The following C21orf58 variants were observed in gnomAD, a reference collection of about 807,000 sequenced individuals.
C21orf58 encodes the protein uncharacterized protein C21orf58.
Under a neutral mutation model 35.8 loss-of-function variants are expected in C21orf58, and 34 were observed. The observed-to-expected ratio is 0.95, with a 90% confidence interval of 0.72 to 1.26. The LOEUF is 1.26. Ranked by LOEUF, C21orf58 falls within the 50% of genes most tolerant of loss-of-function variation. The probability of loss-of-function intolerance (pLI) is 0.00; values close to 1 mark genes in which losing one functional copy is unlikely to be tolerated. For synonymous variants in C21orf58, 191 were observed against 175.8 expected (o/e 1.09, Z -0.68); for missense variants, 440 against 414.3 (o/e 1.06, Z -0.54).
rs2083011470 is a variant in C21orf58 at position 46,317,350 on chromosome 21, T to C, written c.310-82A>G. On this transcript the variant is annotated intron_variant, in intron 2 of 7. Coordinates refer to ENST00000291691, the MANE Select transcript of C21orf58 (RefSeq NM_058180.5). Reference sequence around the variant, plus strand: ...CTCCAGGAATGACTAAGAGGCTTTCTGAGTGAAAAGAATGGTACGTCAGGA... The same window carrying C: ...CTCCAGGAATGACTAAGAGGCTTTCCGAGTGAAAAGAATGGTACGTCAGGA... The C allele has an allele frequency of 3.9e-6, 6 of 1,556,550 alleles. No homozygotes were observed. The Admixed American group carries it at 7.6e-5, about 20-fold the overall frequency.
rs1014905941 is a variant in C21orf58, at chr21:46,323,185, C to G, written c.-447G>C. On this transcript the variant is annotated 5_prime_UTR_variant, in exon 1 of 8. Transcript: ENST00000291691. Reference sequence around the variant, plus strand: ...CCACCCCGGCGGTCCCGCCACAGGTCACAGGCGGTGCGGACCCCGGGACTG... The same window carrying G: ...CCACCCCGGCGGTCCCGCCACAGGTGACAGGCGGTGCGGACCCCGGGACTG... 6.5e-6 allele frequency: 1 copy of G among 152,872 alleles called. No individual in the cohort carries two copies. 9.5% of individuals were successfully genotyped at this position (152,872 alleles called of 1,614,324 possible).
chr21:46,315,110 T>A, intron 4 of C21orf58: 1 of 1,253,746 alleles, frequency 8.0e-7, no homozygotes, highest in Non-Finnish European at 1.1e-6. Context: ...AGCCCCAGGG[T>A]CTGTTCTCTC....
intron 6 of C21orf58, among the ~76,000 whole-genome samples, chr21:46,309,789 G>A (rs2082590269): frequency 6.6e-6 from 1 of 151,984 alleles, no homozygotes; most frequent in Non-Finnish European, 1.5e-5. Flanking sequence ...GAGGTCAGGA[G>A]TTCAAGACCA....
At chr21:46,300,643 C>T (rs889042408), downstream of C21orf58, 5 of 1,242,294 alleles carry the variant, frequency 4.0e-6, no homozygotes, top group Admixed American at 1.4e-4. Context: ...ACCTGCCCGT[C>T]CATGTCAGCA....
chr21:46,302,722 T>G (rs895693338), intron 6 of C21orf58, 146 bp from the exon 7 acceptor site: 1 of 654,862 alleles, frequency 1.5e-6, no homozygotes, highest in East Asian at 2.8e-5. Flanking sequence ...CTGCACACGG[T>G]GCGGGTCCCC....
At position 46,303,735 on chromosome 21, in the gene C21orf58, ATATATATATAT is replaced by A. The variant is rs1389144423; in HGVS notation, c.722-1170_722-1160del. Among the ~76,000 whole-genome samples the A allele has an allele frequency of 9.1e-3, 256 of 28,120 alleles. 7 individuals are homozygous for A. Among genetic ancestry groups the A allele is most frequent in the Non-Finnish European group, 0.013 (175 of 13,802 alleles). The allele number at this position is 28,120 out of a possible 152,430, so 18.4% of individuals were successfully genotyped here. Reference sequence around the variant, plus strand: ...TATATATATATATATATATATATATATATATATATATTTTTTTTTTTTTTTTTTTTTTTGGA... The same window carrying A: ...TATATATATATATATATATATATATATTTTTTTTTTTTTTTTTTTTTTGGA... On this transcript the variant is annotated intron_variant, in intron 6 of 7. Transcript: ENST00000291691.
intron 2 of C21orf58, 129 bp downstream of exon 2, chr21:46,317,883 T>C: frequency 9.9e-7 from 1 of 1,013,120 alleles, no homozygotes; most frequent in South Asian, 1.6e-5. Context: ...ATGGGTCCGC[T>C]GGGCTGCCAG....
rs912269877 is a variant in C21orf58, at chr21:46,322,770, G to C, written c.-32C>G. The C allele has an allele frequency of 7.2e-7, 1 of 1,395,660 alleles. No individual in the cohort carries two copies. Among genetic ancestry groups the C allele is most frequent in the Non-Finnish European group, 9.5e-7 (1 of 1,054,120 alleles). The allele number at this position is 1,395,660 out of a possible 1,614,324, so 86.5% of individuals were successfully genotyped here. A position where few individuals can be genotyped will look rare whatever the true frequency, so the allele number is the denominator to read the frequency against. The stretch of plus-strand genomic sequence containing the variant: ...ATAGCCTGGGCGTCGCAGCGAGACT[G>C]TCTCAAAAAAAGAAAAAAAATTCTG... On this transcript the variant is annotated 5_prime_UTR_variant, in exon 1 of 8. Transcript: ENST00000291691.
At chr21:46,306,856 G>A (rs910376099) in intron 6 of C21orf58, among the ~76,000 whole-genome samples, 3 of 152,024 alleles carry the variant, frequency 2.0e-5, no homozygotes, top group Non-Finnish European at 4.4e-5. Flanking sequence ...CCAAAATGCT[G>A]GGATTACAGG....
chr21:46,302,613 T>A (rs372601332), intron 6 of C21orf58, 37 bp from the exon 7 acceptor site: 30 of 1,520,924 alleles, frequency 2.0e-5, no homozygotes, highest in Non-Finnish European at 2.4e-5. Flanking sequence ...GAATAAAGTT[T>A]CCGTTTTTCC....
chr21:46,313,083 T>C, intron 5 of C21orf58: 1 of 985,010 alleles, frequency 1.0e-6, no homozygotes, highest in South Asian at 4.7e-5. Flanking sequence ...GGCAAACTTT[T>C]GCCAAGAGCT....
At position 46,317,177 on chromosome 21, in the gene C21orf58, T is replaced by C. The variant is rs760774323; in HGVS notation, c.370+31A>G. The C allele has an allele frequency of 1.9e-6, 3 of 1,601,118 alleles. No homozygotes were observed. In the South Asian group the frequency reaches 3.3e-5, roughly 18 times the overall value. On this transcript the variant is annotated intron_variant, in intron 3 of 7. Coordinates refer to ENST00000291691, the MANE Select transcript of C21orf58 (RefSeq NM_058180.5). ...GAGTGGCTACACTTGCGTCTGTCTG[T>C]GCTGGTTCCAAGCAGCCCAGGGGCT...
Position 46,319,442 on chromosome 21 carries a change from G to C in C21orf58, c.101-1222C>G, listed in dbSNP as rs150475638. Among the ~76,000 whole-genome samples, 111 of 152,330 alleles carry C rather than the reference G, an allele frequency of 7.3e-4. 2 individuals are homozygous for C. The highest frequency in any genetic ancestry group is 2.5e-3 in the African/African-American group (103 of 41,572). On this transcript the variant is annotated intron_variant, in intron 1 of 7. Transcript: ENST00000291691. ...TCAGGGGTCCTCGCTGGTGCTGCTG[G>C]ACATGAGCAGACTCTGGCCCCATGT...
chr21:46,315,532 G>C lies in C21orf58; in HGVS notation c.386C>G (p.Pro129Arg), dbSNP rs377051341. The C allele has an allele frequency of 1.9e-6, 3 of 1,610,704 alleles. No individual in the cohort carries two copies. The African/African-American group carries it at 4.0e-5, about 22-fold the overall frequency. The change falls in exon 4 of 8, where the codon CCG becomes CGG. Residue 129 changes from proline to arginine, a missense_variant. By Grantham distance (103) the Pro-to-Arg change is moderately radical. Coordinates refer to ENST00000291691, the MANE Select transcript of C21orf58 (RefSeq NM_058180.5). ...CAGAGCAGTCTGCAGGGCATCGTCC[G>C]GCCGGTCCTCATTTCCTGGAGGGAA... ...LHLEPGNEDR[P>R]DDALQTALKR...
chr21:46,318,972 G>C, intron 1 of C21orf58: 1 of 475,120 alleles, frequency 2.1e-6, no homozygotes, highest in Non-Finnish European at 2.8e-6. Flanking sequence ...CTGTGGACCC[G>C]AGGGGCAGAG....
At chr21:46,309,021 T>C (rs1338059263) in intron 6 of C21orf58, among the ~76,000 whole-genome samples, 1 of 152,218 alleles carries the variant, frequency 6.6e-6, no homozygotes, top group Non-Finnish European at 1.5e-5. Context: ...CTTTTCTCTA[T>C]AAATTACCCA....
At chr21:46,306,941 G>A (rs1290505070) in intron 6 of C21orf58, among the ~76,000 whole-genome samples, 1 of 148,848 alleles carries the variant, frequency 6.7e-6, no homozygotes, top group Non-Finnish European at 1.5e-5. Context: ...TGTCACCCAG[G>A]CTGGAGTGCA....
intron 1 of C21orf58, chr21:46,322,312 A>G (rs928701726): frequency 3.5e-5 from 12 of 342,920 alleles, no homozygotes; most frequent in Admixed American, 6.5e-5. Flanking sequence ...AAAAGAACTG[A>G]AATAAGACCC....
downstream of C21orf58, chr21:46,300,831 T>TA (rs2082083373): frequency 4.9e-6 from 6 of 1,226,516 alleles, no homozygotes; most frequent in Non-Finnish European, 6.4e-6. Context: ...GTATACTACT[T>TA]AAAAATATGT....
Sources: gnomAD v4.1 joint callset for allele counts (sites outside exome capture counted in the v4.1 genomes callset) on GRCh38, gnomAD v4.1.1 for gene constraint, MANE v1.5 for transcripts, NCBI Gene and HGNC (gene_info 2026-07-23, HGNC 2026-07-21) for gene names.